GALNT14: variants seen among roughly 807,000 people sequenced by gnomAD.
GALNT14 encodes polypeptide N-acetylgalactosaminyltransferase 14.
GALNT14 carries 60 observed loss-of-function variants against 77.5 expected under a neutral mutation model. That is an observed-to-expected ratio of 0.77 (90% CI 0.63 to 0.96). The LOEUF (loss-of-function observed/expected upper bound fraction) is 0.96, where lower values mean the gene tolerates loss of function less well. GALNT14 is among the 40% of genes least tolerant of loss of function. The pLI, the probability that GALNT14 is intolerant of heterozygous loss-of-function variation, is 0.00. For missense variants in GALNT14, 710 were observed against 731.0 expected (o/e 0.97, Z 0.33); for synonymous variants, 280 against 281.7 (o/e 0.99, Z 0.06).
intron 1 of GALNT14, among the ~76,000 whole-genome samples, chr2:31,127,839 C>T (rs1042562117): frequency 6.6e-6 from 1 of 152,140 alleles, no homozygotes; most frequent in Non-Finnish European, 1.5e-5. Context: ...GATTAGAAAA[C>T]CATCAGGGCT....
intron 1 of GALNT14, among the ~76,000 whole-genome samples, chr2:31,067,322 G>C (rs112031374): frequency 4.7e-4 from 71 of 152,280 alleles, no homozygotes; most frequent in African/African-American, 1.7e-3. Context: ...TGTCCCCACG[G>C]GGGCCAAAGA....
intron 1 of GALNT14, among the ~76,000 whole-genome samples, chr2:31,083,240 G>C (rs576374695): frequency 6.6e-6 from 1 of 152,262 alleles, no homozygotes; most frequent in African/African-American, 2.4e-5. Flanking sequence ...GGTTGGGTCA[G>C]AACCTGCAGA....
intron 1 of GALNT14, among the ~76,000 whole-genome samples, chr2:31,029,730 C>T (rs149276845): frequency 3.9e-5 from 6 of 152,312 alleles, no homozygotes; most frequent in African/African-American, 1.2e-4. Context: ...TGGCTCTCCA[C>T]GTGACCTCCT....
intron 1 of GALNT14, chr2:31,129,724 G>T (rs1678885612): frequency 1.2e-6 from 1 of 814,296 alleles, no homozygotes; most frequent in Non-Finnish European, 1.5e-6. Flanking sequence ...CTGGGAGGTG[G>T]GGGGTGGGAG....
chr2:30,919,820 A>T (rs1252994046), intron 13 of GALNT14, among the ~76,000 whole-genome samples: 2 of 152,194 alleles, frequency 1.3e-5, no homozygotes, highest in East Asian at 3.9e-4. Context: ...CCAGCATGGT[A>T]TGTGTCCCAC....
At chr2:30,889,867 A>T in the GALNT14 span, among the ~76,000 whole-genome samples, 1 of 152,242 alleles carries the variant, frequency 6.6e-6, no homozygotes, top group Non-Finnish European at 1.5e-5. Flanking sequence ...AATGGCTTTC[A>T]TTAGAACAAA....
chr2:30,971,361 G>A (rs60577949), intron 2 of GALNT14, among the ~76,000 whole-genome samples: 2,852 of 152,206 alleles, frequency 0.019, 37 homozygotes, highest in East Asian at 0.056. Context: ...GGGAAAGATT[G>A]GGGGCGGGGT....
chr2:30,916,441 G>T (rs1229699175), intron 13 of GALNT14, among the ~76,000 whole-genome samples: 1 of 152,252 alleles, frequency 6.6e-6, no homozygotes, highest in African/African-American at 2.4e-5. Context: ...TGTAGCCATG[G>T]AAGGGCAACC....
downstream of GALNT14, among the ~76,000 whole-genome samples, chr2:30,909,103 A>G (rs948365499): frequency 3.9e-5 from 6 of 152,110 alleles, no homozygotes; most frequent in Admixed American, 2.0e-4. Context: ...AACCATAAAA[A>G]CCCTAGAAGA....
At chr2:31,050,053 G>A (rs1340579539) in intron 1 of GALNT14, among the ~76,000 whole-genome samples, 13 of 152,058 alleles carry the variant, frequency 8.5e-5, no homozygotes, top group Admixed American at 8.5e-4. Context: ...CAAAGAGCTT[G>A]TATACCATGT....
chr2:31,069,948 A>T (rs1381626983), intron 1 of GALNT14, among the ~76,000 whole-genome samples: 2 of 152,128 alleles, frequency 1.3e-5, no homozygotes, highest in Non-Finnish European at 2.9e-5. Context: ...AAATGCATCA[A>T]AGCTGGCCTG....
At chr2:30,985,155 T>TGAATGAAC (rs942144759) in intron 2 of GALNT14, among the ~76,000 whole-genome samples, 4 of 151,858 alleles carry the variant, frequency 2.6e-5, no homozygotes, top group Non-Finnish European at 4.4e-5. Flanking sequence ...AGTGAGTGAA[T>TGAATGAAC]GAATGAATGA....
intron 1 of GALNT14, among the ~76,000 whole-genome samples, chr2:30,998,620 A>AT (rs1480481531): frequency 6.6e-6 from 1 of 152,248 alleles, no homozygotes; most frequent in Non-Finnish European, 1.5e-5. Context: ...ACTATGTGTC[A>AT]TAACTATTTA....
intron 1 of GALNT14, among the ~76,000 whole-genome samples, chr2:30,998,648 A>C (rs371250142): frequency 5.3e-5 from 8 of 152,220 alleles, no homozygotes; most frequent in Non-Finnish European, 1.2e-4. Flanking sequence ...TATTCACAAT[A>C]ATAGGTACCA....
At chr2:31,045,927 A>G (rs60576941) in intron 1 of GALNT14, among the ~76,000 whole-genome samples, 2 of 152,100 alleles carry the variant, frequency 1.3e-5, no homozygotes, top group Non-Finnish European at 2.9e-5. Flanking sequence ...CTTATTCTAT[A>G]CTATCATCCT....
chr2:31,058,753 T>C (rs921983058), intron 1 of GALNT14, among the ~76,000 whole-genome samples: 1 of 152,212 alleles, frequency 6.6e-6, no homozygotes, highest in Non-Finnish European at 1.5e-5. Context: ...CTCCACAACA[T>C]TATAATGTGG....
chr2:31,050,074 C>G (rs1297960923), intron 1 of GALNT14, among the ~76,000 whole-genome samples: 1 of 152,058 alleles, frequency 6.6e-6, no homozygotes, highest in Non-Finnish European at 1.5e-5. Context: ...CCTGGCCACT[C>G]GGGGCTTTGG....
At chr2:31,094,335 T>C (rs1676898858) in intron 1 of GALNT14, among the ~76,000 whole-genome samples, 1 of 152,230 alleles carries the variant, frequency 6.6e-6, no homozygotes. Flanking sequence ...GAACTAATGA[T>C]AATCCCACCC....
At chr2:31,047,560 T>C (rs557670452) in intron 1 of GALNT14, among the ~76,000 whole-genome samples, 1 of 152,296 alleles carries the variant, frequency 6.6e-6, no homozygotes, top group South Asian at 2.1e-4. Flanking sequence ...AAGCAACATT[T>C]CTTAGGCCCC....
Sources: gnomAD v4.1 joint callset for allele counts (sites outside exome capture counted in the v4.1 genomes callset) on GRCh38, gnomAD v4.1.1 for gene constraint, MANE v1.5 for transcripts, NCBI Gene and HGNC (gene_info 2026-07-23, HGNC 2026-07-21) for gene names.